The following ARFGEF1 variants were observed in gnomAD, a reference collection of about 807,000 sequenced individuals.
ARFGEF1 encodes the protein ARF guanine nucleotide exchange factor 1.
Under a neutral mutation model 231.0 loss-of-function variants are expected in ARFGEF1, and 42 were observed. The ratio of observed to expected loss-of-function variants is 0.18; its 90% CI spans 0.14 to 0.24. The LOEUF (loss-of-function observed/expected upper bound fraction) is 0.24, where lower values mean the gene tolerates loss of function less well. Among genes scored for constraint, ARFGEF1 ranks in the 10% least tolerant of loss-of-function variants. The pLI is 1.00. For synonymous variants in ARFGEF1, 710 were observed against 732.3 expected (o/e 0.97, Z 0.49); for missense variants, 1,345 against 2,192.0 (o/e 0.61, Z 7.72).
chr8:67,185,727 CTGAAGATGA>C (rs998390114), intron 5 of ARFGEF1, among the ~76,000 whole-genome samples: 15 of 152,068 alleles, frequency 9.9e-5, no homozygotes, highest in South Asian at 2.1e-4. Context: ...CTTGCTGCTG[CTGAAGATGA>C]TGAAGATGAT....
intron 1 of ARFGEF1, among the ~76,000 whole-genome samples, chr8:67,333,332 C>CTT (rs35291856): frequency 3.7e-4 from 53 of 142,148 alleles, no homozygotes; most frequent in Middle Eastern, 3.6e-3. Flanking sequence ...CATGCCTGGC[C>CTT]TTTTTTTTTT....
intron 9 of ARFGEF1, among the ~76,000 whole-genome samples, chr8:67,274,986 C>T (rs1805253606): frequency 6.6e-6 from 1 of 151,994 alleles, no homozygotes; most frequent in South Asian, 2.1e-4. Context: ...GATGTTTCTC[C>T]CTGAACTGGT....
downstream of ARFGEF1, chr8:67,174,116 A>T (rs1831052125): frequency 2.0e-5 from 3 of 152,162 alleles, no homozygotes; most frequent in South Asian, 6.2e-4. Context: ...AAGCCATAGA[A>T]TTGGGCTGTT....
At chr8:67,320,911 G>A (rs1807559400) in intron 1 of ARFGEF1, among the ~76,000 whole-genome samples, 2 of 151,892 alleles carry the variant, frequency 1.3e-5, no homozygotes, top group African/African-American at 4.8e-5. Flanking sequence ...TAAGCAGATC[G>A]CACCACCGCA....
intron 5 of ARFGEF1, among the ~76,000 whole-genome samples, chr8:67,176,236 T>C (rs1322445316): frequency 6.6e-6 from 1 of 152,046 alleles, no homozygotes; most frequent in Non-Finnish European, 1.5e-5. Context: ...AAATGAGTAA[T>C]GAAAACCCAA....
At chr8:67,218,441 C>T (rs56115531) in intron 30 of ARFGEF1, among the ~76,000 whole-genome samples, 4,693 of 151,408 alleles carry the variant, frequency 0.031, 232 homozygotes, top group African/African-American at 0.11. Flanking sequence ...CATCTTGATA[C>T]TAACATTATG....
At chr8:67,259,234 T>A (rs1044960832) in intron 15 of ARFGEF1, among the ~76,000 whole-genome samples, 6 of 152,212 alleles carry the variant, frequency 3.9e-5, no homozygotes, top group Non-Finnish European at 5.9e-5. Flanking sequence ...GACATCTTTC[T>A]GTTTGTTTTT....
chr8:67,255,379 T>C (rs1840422311), intron 17 of ARFGEF1, among the ~76,000 whole-genome samples: 1 of 152,228 alleles, frequency 6.6e-6, no homozygotes, highest in African/African-American at 2.4e-5. Flanking sequence ...TTGTTACTAC[T>C]GATGATTATT....
At chr8:67,201,734 A>C (rs1420334345) in intron 36 of ARFGEF1, 129 bp from the exon 37 acceptor site, 2 of 1,232,626 alleles carry the variant, frequency 1.6e-6, no homozygotes, top group Non-Finnish European at 2.3e-6. Context: ...ACGGAGCCAC[A>C]GCAGCCTGAT....
At chr8:67,204,566 A>T in intron 35 of ARFGEF1, 114 bp downstream of exon 35, 1 of 1,248,024 alleles carries the variant, frequency 8.0e-7, no homozygotes, top group Non-Finnish European at 1.1e-6. Flanking sequence ...TTAAAAGGAC[A>T]TCTGTATGAT....
downstream of ARFGEF1, among the ~76,000 whole-genome samples, chr8:67,195,087 A>G (rs1837612463): frequency 6.6e-6 from 1 of 152,216 alleles, no homozygotes; most frequent in Non-Finnish European, 1.5e-5. Flanking sequence ...ACTTTGTTTT[A>G]TGGAGAGGTG....
intron 1 of ARFGEF1, among the ~76,000 whole-genome samples, chr8:67,318,451 T>C (rs1807428621): frequency 6.6e-6 from 1 of 152,132 alleles, no homozygotes. Context: ...AACTTTGTAC[T>C]GAACATCCCA....
rs1057135309 is a variant in ARFGEF1, at chr8:67,296,618, A to G, written c.460-8T>C. On this transcript the variant is annotated splice_region_variant and splice_polypyrimidine_tract_variant and intron_variant, in intron 4 of 38. Coordinates refer to ENST00000262215, the MANE Select transcript of ARFGEF1 (RefSeq NM_006421.5). Reference sequence around the variant, plus strand: ...TACTGCAGTAAGTAAAGCCTTTAAGAAAAAAAAAGGAAAAAGTTAAAGAGA... The same window carrying G: ...TACTGCAGTAAGTAAAGCCTTTAAGGAAAAAAAAGGAAAAAGTTAAAGAGA... 2.5e-5 allele frequency: 38 copies of G among 1,540,942 alleles called. No homozygotes were observed. Among genetic ancestry groups the G allele is most frequent in the Non-Finnish European group, 3.2e-5 (37 of 1,143,758 alleles).
intron 34 of ARFGEF1, 165 bp from the exon 35 acceptor site, chr8:67,204,984 A>G: frequency 1.2e-6 from 1 of 800,980 alleles, no homozygotes; most frequent in Non-Finnish European, 1.9e-6. Context: ...TAAAAGTTTA[A>G]CTGATATTTA....
At chr8:67,231,861 G>T (rs547749053) in intron 23 of ARFGEF1, among the ~76,000 whole-genome samples, 1 of 152,128 alleles carries the variant, frequency 6.6e-6, no homozygotes, top group African/African-American at 2.4e-5. Context: ...AAAGCGTTTT[G>T]CAAGTGCCTC....
downstream of ARFGEF1, among the ~76,000 whole-genome samples, chr8:67,193,856 C>T (rs549996911): frequency 1.5e-3 from 222 of 152,316 alleles, no homozygotes; most frequent in African/African-American, 5.1e-3. Flanking sequence ...GCTTATTAAA[C>T]ATATCCAGGC....
intron 1 of ARFGEF1, among the ~76,000 whole-genome samples, chr8:67,320,999 T>A (rs1405723274): frequency 6.6e-6 from 1 of 151,898 alleles, no homozygotes; most frequent in Non-Finnish European, 1.5e-5. Flanking sequence ...TACTAATACA[T>A]ACAACAACTT....
At chr8:67,205,301 CTGGG>C (rs1838473764) in intron 34 of ARFGEF1, among the ~76,000 whole-genome samples, 1 of 152,192 alleles carries the variant, frequency 6.6e-6, no homozygotes, top group African/African-American at 2.4e-5. Flanking sequence ...CCCTGAGAAT[CTGGG>C]ATGGAGGTGT....
At chr8:67,221,510 T>C (rs142455531) in intron 29 of ARFGEF1, among the ~76,000 whole-genome samples, 16 of 152,284 alleles carry the variant, frequency 1.1e-4, no homozygotes, top group African/African-American at 3.1e-4. Flanking sequence ...AAAAAGCTTA[T>C]AGAATAAGGA....
Sources: allele counts gnomAD v4.1 joint callset (sites outside exome capture counted in the v4.1 genomes callset), GRCh38; gene constraint gnomAD v4.1.1; transcripts MANE v1.5; gene names NCBI Gene and HGNC (gene_info 2026-07-23, HGNC 2026-07-21).